TAFA4: variants seen among roughly 807,000 people sequenced by gnomAD.
The protein encoded by TAFA4 is TAFA chemokine like family member 4.
Under a neutral mutation model 21.1 loss-of-function variants are expected in TAFA4, and 20 were observed. The observed-to-expected ratio is 0.95, with a 90% CI of 0.67 to 1.38. TAFA4 has a LOEUF of 1.38. Ranked by LOEUF, TAFA4 falls within the 40% of genes most tolerant of loss-of-function variation. TAFA4 has a pLI of 0.00. For missense variants in TAFA4, 211 were observed against 180.9 expected (o/e 1.17, Z -0.95); for synonymous variants, 71 against 67.4 (o/e 1.05, Z -0.26).
intron 1 of TAFA4, among the ~76,000 whole-genome samples, chr3:68,914,121 T>G (rs73835364): frequency 0.04 from 6,114 of 152,072 alleles, 417 homozygotes; most frequent in African/African-American, 0.14. Context: ...AAAACCTAGG[T>G]GAAAAAAATA....
chr3:68,856,349 G>A (rs993712741), intron 3 of TAFA4, among the ~76,000 whole-genome samples: 4 of 152,148 alleles, frequency 2.6e-5, no homozygotes, highest in Non-Finnish European at 4.4e-5. Flanking sequence ...AATTAATAAA[G>A]TAGGCATGCC....
chr3:68,803,632 T>A (rs1703622436), intron 3 of TAFA4, among the ~76,000 whole-genome samples: 1 of 151,626 alleles, frequency 6.6e-6, no homozygotes, highest in South Asian at 2.1e-4. Flanking sequence ...GTGGTGAAAC[T>A]GAAGTTTTGA....
intron 1 of TAFA4, chr3:68,913,690 A>C (rs2107009180): frequency 6.6e-6 from 1 of 152,370 alleles, no homozygotes; most frequent in South Asian, 2.1e-4. Context: ...CCAGCATGCA[A>C]GTCCTACAGA....
chr3:68,908,621 T>C (rs2089926874), intron 1 of TAFA4, among the ~76,000 whole-genome samples: 1 of 152,066 alleles, frequency 6.6e-6, no homozygotes, highest in African/African-American at 2.4e-5. Context: ...TTTAAAACTA[T>C]AAGTGGACAA....
At position 68,778,908 on chromosome 3, in the gene TAFA4, T is replaced by C. The variant is rs143475503; in HGVS notation, c.131-25890A>G. Among the ~76,000 whole-genome samples, 743 of 151,980 alleles carry C rather than the reference T, an allele frequency of 4.9e-3. 7 individuals carry two copies. The highest frequency in any genetic ancestry group is 0.017 in the African/African-American group (701 of 41,440). ...GTTGGAACTAGGTAACAGGCAGAGGTTGGAACAGTTTGGAGGGCTCAGAAG... is the reference window on the plus strand; with the variant it reads ...GTTGGAACTAGGTAACAGGCAGAGGCTGGAACAGTTTGGAGGGCTCAGAAG... On this transcript the variant is annotated intron_variant, in intron 3 of 5. Coordinates refer to ENST00000295569, the MANE Select transcript of TAFA4 (RefSeq NM_182522.5).
At chr3:68,826,983 C>A (rs1310066937) in intron 3 of TAFA4, among the ~76,000 whole-genome samples, 1 of 151,946 alleles carries the variant, frequency 6.6e-6, no homozygotes, top group Non-Finnish European at 1.5e-5. Flanking sequence ...TTTGCTGCAC[C>A]CACCAACTCC....
chr3:68,903,375 G>T (rs1323156614), intron 1 of TAFA4, among the ~76,000 whole-genome samples: 1 of 152,166 alleles, frequency 6.6e-6, no homozygotes, highest in Non-Finnish European at 1.5e-5. Context: ...ATAAACGTCA[G>T]CAACAAACCA....
At chr3:68,758,337 C>T (rs988997945) in intron 3 of TAFA4, among the ~76,000 whole-genome samples, 2 of 152,192 alleles carry the variant, frequency 1.3e-5, no homozygotes, top group African/African-American at 2.4e-5. Context: ...GAAGCTCCCA[C>T]GATTCCCACG....
chr3:68,838,002 T>C (rs1704561957), intron 3 of TAFA4, among the ~76,000 whole-genome samples: 1 of 152,152 alleles, frequency 6.6e-6, no homozygotes, highest in Non-Finnish European at 1.5e-5. Flanking sequence ...CTCACATACT[T>C]ATCATTTTGT....
chr3:68,783,757 G>GAAAGAAAGAAAGAAAC (rs1310357090), intron 3 of TAFA4, among the ~76,000 whole-genome samples: 3 of 149,072 alleles, frequency 2.0e-5, no homozygotes, highest in Admixed American at 6.7e-5. Flanking sequence ...AAGAAAGAAA[G>GAAAGAAAGAAAGAAAC]AAACAAAAAC....
intron 3 of TAFA4, among the ~76,000 whole-genome samples, chr3:68,845,123 C>T (rs1575637573): frequency 6.6e-6 from 1 of 152,060 alleles, no homozygotes; most frequent in East Asian, 1.9e-4. Context: ...TTAAAGTCTC[C>T]CGCTGTTATT....
chr3:68,907,350 GAAT>G (rs2089912040), intron 1 of TAFA4, among the ~76,000 whole-genome samples: 1 of 152,198 alleles, frequency 6.6e-6, no homozygotes, highest in African/African-American at 2.4e-5. Context: ...CTGCTTTGGA[GAAT>G]GCCTGGATCC....
At chr3:68,863,115 A>G (rs963280651) in intron 3 of TAFA4, among the ~76,000 whole-genome samples, 12 of 151,076 alleles carry the variant, frequency 7.9e-5, no homozygotes, top group African/African-American at 2.7e-4. Context: ...GTACGTGCCC[A>G]TAGTCCCAGC....
chr3:68,733,680 C>T (rs1327644438), intron 5 of TAFA4, among the ~76,000 whole-genome samples: 1 of 152,062 alleles, frequency 6.6e-6, no homozygotes, highest in African/African-American at 2.4e-5. Context: ...GAAAATTGAA[C>T]AGCAGTTTCT....
chr3:68,811,418 A>G (rs1422772902), intron 3 of TAFA4, among the ~76,000 whole-genome samples: 1 of 152,164 alleles, frequency 6.6e-6, no homozygotes, highest in East Asian at 1.9e-4. Context: ...GAAGTTGAAA[A>G]CCTTGAAAAC....
At chr3:68,817,210 C>T (rs1703999613) in intron 3 of TAFA4, among the ~76,000 whole-genome samples, 6 of 152,194 alleles carry the variant, frequency 3.9e-5, no homozygotes, top group Admixed American at 3.3e-4. Flanking sequence ...TTCACAGAAT[C>T]TTCACAAAAT....
chr3:68,785,620 G>T (rs911076215), intron 3 of TAFA4, among the ~76,000 whole-genome samples: 1 of 152,236 alleles, frequency 6.6e-6, no homozygotes, highest in Non-Finnish European at 1.5e-5. Context: ...AGCACCGCGT[G>T]CAGCCCCGGT....
intron 3 of TAFA4, among the ~76,000 whole-genome samples, chr3:68,754,089 G>T (rs71302144): frequency 6.6e-6 from 1 of 152,086 alleles, no homozygotes; most frequent in Non-Finnish European, 1.5e-5. Context: ...GTTTTTCTAA[G>T]CCATTTGAGA....
At position 68,732,969 on chromosome 3, in the gene TAFA4, A is replaced by G. The variant is rs1251875481; in HGVS notation, c.*173T>C. On this transcript the variant is annotated 3_prime_UTR_variant, in exon 6 of 6. Transcript: ENST00000295569. ...ATAATTCAATGAAATAAAATCACGA[A>G]GCAGAGAGGGCTGGGCCAGTTAAGT... 3 of 692,286 alleles carry G rather than the reference A, an allele frequency of 4.3e-6. No individual in the cohort carries two copies. The allele number at this position is 692,286 out of a possible 1,614,324, so 42.9% of individuals were successfully genotyped here.
Sources: allele counts gnomAD v4.1 joint callset (sites outside exome capture counted in the v4.1 genomes callset), GRCh38; gene constraint gnomAD v4.1.1; transcripts MANE v1.5; gene names NCBI Gene and HGNC (gene_info 2026-07-23, HGNC 2026-07-21).